Variants in PREX1 observed in about 807,000 individuals in gnomAD.
The protein encoded by PREX1 is phosphatidylinositol-3,4,5-trisphosphate dependent Rac exchange factor 1, also known as phosphatidylinositol 3,4,5-trisphosphate-dependent Rac exchanger 1 protein.
A neutral mutation model predicts 198.3 loss-of-function variants in PREX1; 41 were observed. That is an observed-to-expected ratio of 0.21 (90% CI 0.16 to 0.27). The LOEUF (loss-of-function observed/expected upper bound fraction) is 0.27. Ranked by LOEUF, PREX1 falls within the 10% of genes least tolerant of loss-of-function variation. The pLI, the probability that PREX1 is intolerant of heterozygous loss-of-function variation, is 1.00. For missense variants in PREX1, 1,620 were observed against 2,200.7 expected (o/e 0.74, Z 5.28); for synonymous variants, 843 against 887.2 (o/e 0.95, Z 0.89).
chr20:48,729,460 C>G (rs1311266886), intron 4 of PREX1, among the ~76,000 whole-genome samples: 1 of 152,120 alleles, frequency 6.6e-6, no homozygotes, highest in Admixed American at 6.5e-5. Flanking sequence ...CGACTAGAGT[C>G]TCTGCTGCCC....
chr20:48,791,620 A>G (rs1270285262), intron 1 of PREX1, among the ~76,000 whole-genome samples: 1 of 152,178 alleles, frequency 6.6e-6, no homozygotes, highest in Non-Finnish European at 1.5e-5. Context: ...CACAATTGAA[A>G]CGGACAAGAG....
At chr20:48,681,451 C>G in intron 10 of PREX1, 116 bp from the exon 11 acceptor site, 1 of 976,392 alleles carries the variant, frequency 1.0e-6, no homozygotes, top group Non-Finnish European at 1.6e-6. Flanking sequence ...GAACTTCCCA[C>G]AGGGAAGCCG....
intron 25 of PREX1, among the ~76,000 whole-genome samples, chr20:48,646,650 C>G (rs532226471): frequency 5.5e-5 from 8 of 146,342 alleles, no homozygotes; most frequent in African/African-American, 2.1e-4. Flanking sequence ...GATCGCACCA[C>G]TGCACAGAGC....
chr20:48,710,162 A>G (rs527238607), intron 5 of PREX1, among the ~76,000 whole-genome samples: 1 of 152,218 alleles, frequency 6.6e-6, no homozygotes, highest in Non-Finnish European at 1.5e-5. Context: ...AATGCTGGTG[A>G]TCAATCAAAA....
At chr20:48,685,559 T>C (rs762855866) in intron 10 of PREX1, among the ~76,000 whole-genome samples, 1 of 152,194 alleles carries the variant, frequency 6.6e-6, no homozygotes, top group Non-Finnish European at 1.5e-5. Flanking sequence ...ACTTCCCCAA[T>C]GTCACACAGC....
rs752767926 is a variant in PREX1, at chr20:48,636,515, G to A, written c.4115C>T (p.Ala1372Val). Residue 1372 changes from alanine to valine, a missense_variant, in exon 32 of 40, where the codon GCG becomes GTG. Ala to Val is a moderately conservative substitution (Grantham distance 64). Coordinates refer to ENST00000371941, the MANE Select transcript of PREX1 (RefSeq NM_020820.4). The stretch of plus-strand genomic sequence containing the variant: ...GCAGTGCAGCAGGACGCCCGTGGCC[G>A]CCACCTGCTCCAGCCACTTGCGGCT... ...DASRKWLEQV[A>V]ATGVLLHCQS... 13 of 1,609,956 alleles carry A rather than the reference G, an allele frequency of 8.1e-6. No individual in the cohort carries two copies. The highest frequency in any genetic ancestry group is 2.7e-5 in the African/African-American group (2 of 74,908).
chr20:48,748,136 C>T (rs559678050), intron 1 of PREX1, among the ~76,000 whole-genome samples: 2 of 152,172 alleles, frequency 1.3e-5, no homozygotes, highest in Non-Finnish European at 2.9e-5. Flanking sequence ...CCTGAAGATA[C>T]AGCAGAGAAA....
chr20:48,752,571 G>A (rs1027594386), intron 1 of PREX1, among the ~76,000 whole-genome samples: 1 of 152,180 alleles, frequency 6.6e-6, no homozygotes, highest in Non-Finnish European at 1.5e-5. Flanking sequence ...ATGGCCAGCA[G>A]GACCTGGCAT....
chr20:48,857,005 A>C, the PREX1 span, among the ~76,000 whole-genome samples: 1 of 152,092 alleles, frequency 6.6e-6, no homozygotes, highest in African/African-American at 2.4e-5. Context: ...ATGCCCGGCT[A>C]ATTTTTGTAT....
chr20:48,692,648 A>T, intron 8 of PREX1, 24 bp downstream of exon 8: 1 of 1,586,288 alleles, frequency 6.3e-7, no homozygotes, highest in Non-Finnish European at 8.6e-7. Flanking sequence ...GGCAGGGCTC[A>T]GGCAAGGCTG....
At chr20:48,693,849 C>G (rs553609932) in intron 7 of PREX1, among the ~76,000 whole-genome samples, 100 of 151,910 alleles carry the variant, frequency 6.6e-4, no homozygotes, top group African/African-American at 2.3e-3. Flanking sequence ...ACCTCATGAT[C>G]TGCCTGCCTT....
intron 4 of PREX1, among the ~76,000 whole-genome samples, chr20:48,726,864 A>G (rs554977440): frequency 6.6e-6 from 1 of 152,316 alleles, no homozygotes; most frequent in Admixed American, 6.5e-5. Flanking sequence ...AAACATCTGT[A>G]TTTTTGTTTC....
chr20:48,668,757 G>C (rs2089656408), intron 14 of PREX1, among the ~76,000 whole-genome samples: 1 of 152,208 alleles, frequency 6.6e-6, no homozygotes. Context: ...CTGCGGGTTG[G>C]GAACCCTGCC....
intron 15 of PREX1, among the ~76,000 whole-genome samples, chr20:48,664,218 A>G (rs1027975717): frequency 4.6e-5 from 7 of 152,204 alleles, no homozygotes; most frequent in Non-Finnish European, 8.8e-5. Flanking sequence ...ACTAAAAAAT[A>G]CAAAAAATTA....
Position 48,632,655 on chromosome 20 carries a change from G to C in PREX1, c.4268-16C>G, listed in dbSNP as rs1257185198. The C allele has an allele frequency of 6.2e-7, 1 of 1,612,956 alleles. No homozygotes were observed. The highest frequency in any genetic ancestry group is 2.2e-5 in the East Asian group (1 of 44,824). On this transcript the variant is annotated splice_polypyrimidine_tract_variant and intron_variant, in intron 33 of 39. Coordinates refer to ENST00000371941, the MANE Select transcript of PREX1 (RefSeq NM_020820.4). ...ACGTTGGTGTCTGCGGAAGGATATG[G>C]GGCAGGATGACTCACCACCGAGGCC... is the stretch of plus-strand genomic sequence containing the variant.
At chr20:48,680,263 C>T (rs898374426) in intron 11 of PREX1, among the ~76,000 whole-genome samples, 2 of 152,168 alleles carry the variant, frequency 1.3e-5, no homozygotes, top group Non-Finnish European at 2.9e-5. Flanking sequence ...CACCTCACTC[C>T]TACACTGGCC....
Position 48,827,564 on chromosome 20 carries a change from C to T in PREX1, c.219+78G>A. 1.9e-6 allele frequency: 2 copies of T among 1,077,588 alleles called. No individual in the cohort carries two copies. The highest frequency in any genetic ancestry group is 1.2e-6 in the Non-Finnish European group (1 of 851,174). The allele number at this position is 1,077,588 out of a possible 1,614,324, so 66.8% of individuals were successfully genotyped here. On this transcript the variant is annotated intron_variant, in intron 1 of 39. Transcript: ENST00000371941. The surrounding 1 kb of genome is among the most constrained non-coding windows in gnomAD (Gnocchi z 4.1). ...GGCAATTCTCCACCCACGGGGACCA[C>T]GGCCACAGGTTGTGGGGACCGCAGC...
At chr20:48,692,816 C>T (rs376591733) in intron 7 of PREX1, 26 bp from the exon 8 acceptor site, 11 of 1,580,508 alleles carry the variant, frequency 7.0e-6, no homozygotes, top group Middle Eastern at 1.7e-4. Context: ...AAGTCAGTGT[C>T]CCCTACACGT....
At chr20:48,646,700 AAAG>A (rs1373991325) in intron 25 of PREX1, among the ~76,000 whole-genome samples, 1 of 152,056 alleles carries the variant, frequency 6.6e-6, no homozygotes, top group Non-Finnish European at 1.5e-5. Context: ...AAAGAAAAGA[AAAG>A]AAAAAGAAAA....
Sources: gnomAD v4.1 joint callset for allele counts (sites outside exome capture counted in the v4.1 genomes callset) on GRCh38, gnomAD v4.1.1 for gene constraint, Gnocchi (gnomAD v3.1) non-coding constraint, MANE v1.5 for transcripts, NCBI Gene and HGNC (gene_info 2026-07-23, HGNC 2026-07-21) for gene names.